The following PDE7B variants were observed in gnomAD, a reference collection of about 807,000 sequenced individuals.
PDE7B encodes 3',5'-cyclic-AMP phosphodiesterase 7B.
In PDE7B, 29 loss-of-function variants were observed where a neutral mutation model predicts 56.2. The observed-to-expected ratio is 0.52, with a 90% confidence interval of 0.38 to 0.70. PDE7B has a LOEUF of 0.70. Among genes scored for constraint, PDE7B ranks in the 30% least tolerant of loss-of-function variants. PDE7B has a pLI of 0.00. For missense variants in PDE7B, 490 were observed against 565.0 expected (o/e 0.87, Z 1.35); for synonymous variants, 197 against 196.9 (o/e 1.00, Z 0.00).
intron 2 of PDE7B, among the ~76,000 whole-genome samples, chr6:136,098,603 G>T (rs1036016056): frequency 6.6e-6 from 1 of 152,028 alleles, no homozygotes; most frequent in Non-Finnish European, 1.5e-5. Context: ...GCCTCACAAT[G>T]CTTCTGAGAG....
intron 2 of PDE7B, among the ~76,000 whole-genome samples, chr6:135,950,189 A>T (rs1205634997): frequency 6.6e-6 from 1 of 152,146 alleles, no homozygotes; most frequent in Non-Finnish European, 1.5e-5. Context: ...GAGAAATCAA[A>T]TTATGAGCAC....
At chr6:136,032,622 G>T (rs547573303) in intron 2 of PDE7B, among the ~76,000 whole-genome samples, 2 of 152,116 alleles carry the variant, frequency 1.3e-5, no homozygotes, top group South Asian at 2.1e-4. Flanking sequence ...CTGCATTCTC[G>T]CTGGGGAACC....
At chr6:135,877,512 T>A (rs1053165978) in intron 1 of PDE7B, among the ~76,000 whole-genome samples, 6 of 152,160 alleles carry the variant, frequency 3.9e-5, no homozygotes, top group Admixed American at 1.3e-4. Context: ...CCTGGAATGA[T>A]GACCTTTTAT....
intron 2 of PDE7B, among the ~76,000 whole-genome samples, chr6:136,019,146 T>C (rs532908622): frequency 6.6e-6 from 1 of 152,240 alleles, no homozygotes; most frequent in African/African-American, 2.4e-5. Context: ...TTATTAAAAT[T>C]GATCTTCCTC....
At chr6:135,932,288 T>C (rs1774307700) in intron 1 of PDE7B, among the ~76,000 whole-genome samples, 1 of 152,124 alleles carries the variant, frequency 6.6e-6, no homozygotes, top group Non-Finnish European at 1.5e-5. Flanking sequence ...TATACATTTT[T>C]AAATAACTTA....
rs2128446766 is a variant in PDE7B, at chr6:136,147,289, G to C, written c.167-62G>C. The C allele has an allele frequency of 2.7e-6, 3 of 1,092,098 alleles. No homozygotes were observed. The East Asian group carries it at 7.2e-5, about 26-fold the overall frequency. The allele number at this position is 1,092,098 out of a possible 1,614,324, so 67.7% of individuals were successfully genotyped here. ...TTCTTTTAATGCATTTATTTTTACAGAGTGGAGAAAATTGGCTCTCTTTTA... is the reference window on the plus strand; with the variant it reads ...TTCTTTTAATGCATTTATTTTTACACAGTGGAGAAAATTGGCTCTCTTTTA... On this transcript the variant is annotated intron_variant, in intron 3 of 12. Coordinates refer to ENST00000308191, the MANE Select transcript of PDE7B (RefSeq NM_018945.4).
rs1052717888 is a variant in PDE7B, at chr6:135,965,476, C to G, written c.82+17952C>G. Among the ~76,000 whole-genome samples, 91 of 152,116 alleles carry G rather than the reference C, an allele frequency of 6.0e-4. 1 individual carries two copies. The highest frequency in any genetic ancestry group is 1.0e-4 in the Non-Finnish European group (7 of 68,018). ...TCTCAAGCTGCTGATAAAGACATAC[C>G]CAAGACTGGGTAATTTATAAAGAAA... On this transcript the variant is annotated intron_variant, in intron 2 of 12. Transcript: ENST00000308191.
At chr6:136,063,690 TC>T (rs1776884501) in intron 2 of PDE7B, among the ~76,000 whole-genome samples, 1 of 152,164 alleles carries the variant, frequency 6.6e-6, no homozygotes, top group Admixed American at 6.5e-5. Context: ...CTTCTCCGCC[TC>T]ACTTTCCCTG....
intron 11 of PDE7B, among the ~76,000 whole-genome samples, chr6:136,181,958 G>A (rs940702653): frequency 3.3e-5 from 5 of 152,172 alleles, no homozygotes; most frequent in Admixed American, 6.5e-5. Context: ...GATGTTGGGT[G>A]GGGTATCAAC....
At chr6:135,951,803 G>A (rs1179521665) in intron 2 of PDE7B, among the ~76,000 whole-genome samples, 1 of 151,928 alleles carries the variant, frequency 6.6e-6, no homozygotes, top group Non-Finnish European at 1.5e-5. Flanking sequence ...TGAGTATCAT[G>A]ACTATTAGAA....
At chr6:136,016,672 A>G (rs1395027272) in intron 2 of PDE7B, among the ~76,000 whole-genome samples, 1 of 152,090 alleles carries the variant, frequency 6.6e-6, no homozygotes, top group Non-Finnish European at 1.5e-5. Context: ...CTGCTGCAGC[A>G]TGCCACACCT....
intron 3 of PDE7B, among the ~76,000 whole-genome samples, chr6:136,142,329 A>G (rs960492261): frequency 2.6e-5 from 4 of 152,142 alleles, no homozygotes; most frequent in African/African-American, 7.2e-5. Context: ...ACAGTTTGTT[A>G]TAATTTCTGT....
chr6:135,928,487 T>TTATA (rs377734996), intron 1 of PDE7B, among the ~76,000 whole-genome samples: 31 of 85,536 alleles, frequency 3.6e-4, no homozygotes, highest in African/African-American at 1.1e-3. Flanking sequence ...ATATATTTAT[T>TTATA]TATATATATA....
In PDE7B at chr6:136,173,734, C is replaced by T. The variant is rs555442924; in HGVS notation, c.712-63C>T. The T allele has an allele frequency of 3.9e-5, 42 of 1,067,842 alleles. No homozygotes were observed. The East Asian group carries it at 9.3e-4, about 24-fold the overall frequency. The allele number at this position is 1,067,842 out of a possible 1,614,324, so 66.1% of individuals were successfully genotyped here. Reference sequence around the variant, plus strand: ...ATGCTAGCGTCCGTGGAGCTGTGTTCAGCATGAAAGATCAGTATCTGGCTT... The same window carrying T: ...ATGCTAGCGTCCGTGGAGCTGTGTTTAGCATGAAAGATCAGTATCTGGCTT... On this transcript the variant is annotated intron_variant, in intron 8 of 12. Transcript: ENST00000308191.
At chr6:135,878,576 C>T (rs72971657) in intron 1 of PDE7B, among the ~76,000 whole-genome samples, 2,586 of 152,232 alleles carry the variant, frequency 0.017, 33 homozygotes, top group South Asian at 0.032. Flanking sequence ...TTCTTTCATA[C>T]GTATGCTTGT....
intron 3 of PDE7B, among the ~76,000 whole-genome samples, chr6:136,128,532 GT>G (rs1334115265): frequency 6.6e-6 from 1 of 151,910 alleles, no homozygotes; most frequent in East Asian, 1.9e-4. Context: ...ATTAGCTCTG[GT>G]TATTTTGTTG....
rs533855623 is a variant in PDE7B, at chr6:136,159,671, C to T, written c.711+3913C>T. 4.6e-5 allele frequency among the ~76,000 whole-genome samples: 7 copies of T among 152,264 alleles called. No individual in the cohort carries two copies. The South Asian group carries it at 1.2e-3, about 27-fold the overall frequency. The stretch of plus-strand genomic sequence containing the variant: ...CTCCATTATCTCCTAAAGTCTTGCA[C>T]CTTGTTTCATGAGCAATTAAAAATG... On this transcript the variant is annotated intron_variant, in intron 8 of 12. Coordinates refer to ENST00000308191, the MANE Select transcript of PDE7B (RefSeq NM_018945.4).
chr6:135,857,518 C>T (rs1775058653), intron 1 of PDE7B, among the ~76,000 whole-genome samples: 1 of 151,980 alleles, frequency 6.6e-6, no homozygotes, highest in Non-Finnish European at 1.5e-5. Flanking sequence ...TTCCATAGGT[C>T]CAGGCATAGA....
chr6:136,164,672 A>T (rs956758171), intron 8 of PDE7B, among the ~76,000 whole-genome samples: 11 of 152,340 alleles, frequency 7.2e-5, no homozygotes, highest in South Asian at 2.1e-4. Flanking sequence ...AAATTTTTTT[A>T]AAATCAAATT....
Sources: gnomAD v4.1 joint callset for allele counts (sites outside exome capture counted in the v4.1 genomes callset) on GRCh38, gnomAD v4.1.1 for gene constraint, MANE v1.5 for transcripts, NCBI Gene and HGNC (gene_info 2026-07-23, HGNC 2026-07-21) for gene names.